Variants in PDSS2 observed in about 807,000 individuals in gnomAD.
The protein encoded by PDSS2 is all trans-polyprenyl-diphosphate synthase PDSS2.
PDSS2 carries 31 observed loss-of-function variants against 44.5 expected under a neutral mutation model. The observed-to-expected ratio is 0.70, with a 90% CI of 0.52 to 0.94. The LOEUF (loss-of-function observed/expected upper bound fraction) is 0.94, where lower values mean the gene tolerates loss of function less well. Among genes scored for constraint, PDSS2 ranks in the 40% least tolerant of loss-of-function variants. The pLI, the probability that PDSS2 is intolerant of heterozygous loss-of-function variation, is 0.00. For missense variants in PDSS2, 452 were observed against 482.2 expected (o/e 0.94, Z 0.59); for synonymous variants, 157 against 180.3 (o/e 0.87, Z 1.03).
intron 3 of PDSS2, among the ~76,000 whole-genome samples, chr6:107,254,050 T>C (rs74673908): frequency 8.7e-4 from 130 of 149,956 alleles, no homozygotes; most frequent in African/African-American, 3.0e-3. Context: ...TTTTTTTTTT[T>C]TGAGACAGAG....
At chr6:107,222,326 C>A (rs1259471555) in intron 4 of PDSS2, among the ~76,000 whole-genome samples, 1 of 152,008 alleles carries the variant, frequency 6.6e-6, no homozygotes, top group African/African-American at 2.4e-5. Flanking sequence ...ATTATAACAG[C>A]CCTCAGAAAT....
chr6:107,274,113 T>C lies in PDSS2; in HGVS notation c.546A>G (p.Gln182=), dbSNP rs563349201. 9.3e-6 allele frequency: 15 copies of C among 1,613,854 alleles called. No individual in the cohort carries two copies. Among genetic ancestry groups the C allele is most frequent in the African/African-American group, 8.0e-5 (6 of 75,048 alleles). Residue 182 remains glutamine (Q), a synonymous_variant, in exon 3 of 8, where the codon CAA becomes CAG. Transcript: ENST00000369037. ...TCAGGATAGCAATTTTATTTCCAAA[T>C]TGCATGTCTTTCAGTGGACCATCAG... is the stretch of plus-strand genomic sequence containing the variant. ...QSSDGPLKDM[Q]FGNKIAILSG... is the part of the protein sequence containing the mutation.
intron 1 of PDSS2, among the ~76,000 whole-genome samples, chr6:107,423,694 T>C (rs1400565447): frequency 6.6e-6 from 1 of 152,234 alleles, no homozygotes; most frequent in Admixed American, 6.5e-5. Context: ...TTAAGAGGAC[T>C]TACAATATGC....
chr6:107,401,886 T>C (rs1222471940), intron 1 of PDSS2, among the ~76,000 whole-genome samples: 1 of 152,062 alleles, frequency 6.6e-6, no homozygotes, highest in Non-Finnish European at 1.5e-5. Context: ...GGCTCATGCC[T>C]GTAATTCAAG....
intron 1 of PDSS2, among the ~76,000 whole-genome samples, chr6:107,416,132 C>T (rs1780650342): frequency 6.6e-6 from 1 of 152,118 alleles, no homozygotes; most frequent in Admixed American, 6.6e-5. Context: ...ATTCTATTTA[C>T]TGTTATTTGG....
chr6:107,156,862 C>T (rs6933234), intron 7 of PDSS2, among the ~76,000 whole-genome samples: 5,210 of 152,222 alleles, frequency 0.034, 238 homozygotes, highest in East Asian at 0.15. Context: ...CAATGAATCC[C>T]AGTCTTTCTA....
chr6:107,313,435 C>T lies in PDSS2; in HGVS notation c.431+20763G>A, dbSNP rs189124903. ...TGGCATGATCTCGGCTCACTGCAAC[C>T]TCTGCCTCCTAGATTCAAGCAATTC... is the stretch of plus-strand genomic sequence containing the variant. On this transcript the variant is annotated intron_variant, in intron 2 of 7. Coordinates refer to ENST00000369037, the MANE Select transcript of PDSS2 (RefSeq NM_020381.4). 4.0e-3 allele frequency among the ~76,000 whole-genome samples: 603 copies of T among 152,270 alleles called. 2 individuals carry two copies. The highest frequency in any genetic ancestry group is 0.01 in the Middle Eastern group (3 of 294).
chr6:107,261,423 C>G (rs893075246), intron 3 of PDSS2, among the ~76,000 whole-genome samples: 27 of 152,162 alleles, frequency 1.8e-4, no homozygotes, highest in African/African-American at 6.0e-4. Flanking sequence ...TCCCTGCTCC[C>G]ACTTTGCCTT....
intron 4 of PDSS2, among the ~76,000 whole-genome samples, chr6:107,236,746 T>C (rs1339346566): frequency 1.3e-5 from 2 of 152,142 alleles, no homozygotes; most frequent in Admixed American, 6.5e-5. Context: ...ATCTTTAATG[T>C]CCATCTCAAA....
At chr6:107,407,126 A>G (rs1193504293) in intron 1 of PDSS2, among the ~76,000 whole-genome samples, 1 of 152,218 alleles carries the variant, frequency 6.6e-6, no homozygotes, top group African/African-American at 2.4e-5. Context: ...ATACAAAGGA[A>G]AGAAATTCTG....
chr6:107,304,388 T>C (rs1446236216), intron 2 of PDSS2, among the ~76,000 whole-genome samples: 3 of 152,272 alleles, frequency 2.0e-5, no homozygotes, highest in Non-Finnish European at 4.4e-5. Context: ...TGTACTCTTA[T>C]ATACGTAACG....
Position 107,273,973 on chromosome 6 carries a change from C to G in PDSS2, c.630+56G>C, listed in dbSNP as rs958739468. The G allele has an allele frequency of 1.0e-4, 140 of 1,393,664 alleles. 1 individual carries two copies. Among genetic ancestry groups the G allele is most frequent in the Admixed American group, 5.0e-5 (3 of 59,738 alleles). The allele number at this position is 1,393,664 out of a possible 1,614,324, so 86.3% of individuals were successfully genotyped here. A position where few individuals can be genotyped will look rare whatever the true frequency, so the allele number is the denominator to read the frequency against. On this transcript the variant is annotated intron_variant, in intron 3 of 7. Transcript: ENST00000369037. ...GCACACAGACCTGCAGCTCCAGCAG[C>G]CAACTAATTGCTACCTGAAGCCATT...
At chr6:107,189,238 G>C (rs2114504367) in intron 7 of PDSS2, among the ~76,000 whole-genome samples, 1 of 152,256 alleles carries the variant, frequency 6.6e-6, no homozygotes, top group African/African-American at 2.4e-5. Flanking sequence ...TTTAGAGACA[G>C]GATTTTGCCA....
intron 1 of PDSS2, among the ~76,000 whole-genome samples, chr6:107,443,503 T>C (rs1410048603): frequency 6.6e-6 from 1 of 152,184 alleles, no homozygotes; most frequent in Non-Finnish European, 1.5e-5. Flanking sequence ...TTCAATGGAA[T>C]ATCTTTCAGC....
intron 2 of PDSS2, among the ~76,000 whole-genome samples, chr6:107,322,602 T>A (rs1388756928): frequency 6.6e-6 from 1 of 151,630 alleles, no homozygotes; most frequent in Non-Finnish European, 1.5e-5. Flanking sequence ...CCCAGCACTT[T>A]GGAGAGCCAG....
intron 4 of PDSS2, among the ~76,000 whole-genome samples, chr6:107,244,076 C>T (rs533486576): frequency 9.2e-5 from 14 of 152,166 alleles, no homozygotes; most frequent in African/African-American, 3.1e-4. Context: ...TGTGGTGAGC[C>T]GAGATCGTGC....
intron 1 of PDSS2, among the ~76,000 whole-genome samples, chr6:107,429,901 A>AAATATATATATATAT (rs1166637352): frequency 3.1e-5 from 1 of 31,852 alleles, no homozygotes; most frequent in Admixed American, 5.8e-4. Flanking sequence ...AAAAAAAAAA[A>AAATATATATATATAT]ATATATATAT....
In PDSS2 at chr6:107,269,375, T is replaced by TGTGTGTGTGTGC. The variant is rs769050121; in HGVS notation, c.630+4653_630+4654insGCACACACACAC. Among the ~76,000 whole-genome samples the TGTGTGTGTGTGC allele has an allele frequency of 3.4e-5, 5 of 145,962 alleles. No homozygotes were observed. In the South Asian group the frequency reaches 6.6e-4, roughly 19 times the overall value. Reference sequence around the variant, plus strand: ...GTGTGTGTGTGTGTGTGTGTGTGTGTGCAATTTATTCAAAGTAGGAGCACC... The same window carrying TGTGTGTGTGTGC: ...GTGTGTGTGTGTGTGTGTGTGTGTGTGTGTGTGTGTGCGCAATTTATTCAAAGTAGGAGCACC... On this transcript the variant is annotated intron_variant, in intron 3 of 7. Coordinates refer to ENST00000369037, the MANE Select transcript of PDSS2 (RefSeq NM_020381.4).
intron 2 of PDSS2, among the ~76,000 whole-genome samples, chr6:107,290,387 G>A (rs901853655): frequency 1.3e-5 from 2 of 152,106 alleles, no homozygotes; most frequent in Admixed American, 1.3e-4. Context: ...TAGCAGAAAC[G>A]AGGCAAGCAG....
Sources: allele counts gnomAD v4.1 joint callset (sites outside exome capture counted in the v4.1 genomes callset), GRCh38; gene constraint gnomAD v4.1.1; transcripts MANE v1.5; gene names NCBI Gene and HGNC (gene_info 2026-07-23, HGNC 2026-07-21).